The following PKD1L1 variants were observed in gnomAD, a reference collection of about 807,000 sequenced individuals.
The protein encoded by PKD1L1 is polycystin 1 like 1, transient receptor potential channel interacting.
A neutral mutation model predicts 323.4 loss-of-function variants in PKD1L1; 236 were observed. The ratio of observed to expected loss-of-function variants is 0.73; its 90% confidence interval spans 0.66 to 0.81. The LOEUF (loss-of-function observed/expected upper bound fraction) is 0.81, where lower values mean the gene tolerates loss of function less well. Among genes scored for constraint, PKD1L1 ranks in the 40% least tolerant of loss-of-function variants. The pLI is 0.00. For synonymous variants in PKD1L1, 1,344 were observed against 1,335.0 expected (o/e 1.01, Z -0.15); for missense variants, 3,320 against 3,508.0 (o/e 0.95, Z 1.35).
intron 24 of PKD1L1, among the ~76,000 whole-genome samples, chr7:47,872,318 T>C (rs538832642): frequency 2.0e-5 from 3 of 152,074 alleles, no homozygotes; most frequent in African/African-American, 2.4e-5. Flanking sequence ...TATGGAAATA[T>C]GAGAGACCTG....
intron 16 of PKD1L1, among the ~76,000 whole-genome samples, chr7:47,889,070 C>T (rs78029619): frequency 0.053 from 8,018 of 152,126 alleles, 538 homozygotes; most frequent in African/African-American, 0.16. Context: ...ACAGCGTCCT[C>T]GCCTGGCACT....
chr7:47,831,210 A>G lies in PKD1L1; in HGVS notation c.6473+7T>C. 1 of 1,610,308 alleles carries G rather than the reference A, an allele frequency of 6.2e-7. No homozygotes were observed. The highest frequency in any genetic ancestry group is 1.1e-5 in the South Asian group (1 of 90,622). ...CCTGAGGATGTTTGAAAAACTCTAC[A>G]GCTCACCTGTAGGCTAGAAATCCTG... On this transcript the variant is annotated splice_region_variant and intron_variant, in intron 42 of 56. Coordinates refer to ENST00000289672, the MANE Select transcript of PKD1L1 (RefSeq NM_138295.5).
rs1486116566 is a variant in PKD1L1 at position 47,908,192 on chromosome 7, C to A, written c.1287G>T (p.Glu429Asp). 2.5e-6 allele frequency: 4 copies of A among 1,614,206 alleles called. No homozygotes were observed. The change falls in exon 9 of 57, where the codon GAG (glutamate) becomes GAT (aspartate). Residue 429 changes from glutamate (E) to aspartate (D), a missense_variant. Physicochemically the swap from Glu to Asp is conservative, Grantham distance 45 (BLOSUM62 2). Transcript: ENST00000289672. ...IYNEFHGTEV[E>D]LGPYYVEIGH... is the part of the protein sequence containing the mutation. The stretch of plus-strand genomic sequence containing the variant: ...CAATCTCCACATAATAAGGCCCAAG[C>A]TCCACTTCGGTTCCATGAAACTCGT...
intron 30 of PKD1L1, 132 bp downstream of exon 30, chr7:47,854,750 C>A (rs1468007351): frequency 2.6e-6 from 3 of 1,170,650 alleles, no homozygotes; most frequent in African/African-American, 3.1e-5. Context: ...GAATAGATAA[C>A]AATTTCTTTA....
Position 47,877,626 on chromosome 7 carries a change from T to G in PKD1L1, c.3526A>C (p.Lys1176Gln). ...TYVLQVSVAS[K>Q]HGLLGKAQLY... ...TGAGCTTTACCCAGTAAGCCATGCTTCGAAGCTAAAGAGAAAGATGAAGCA... is the reference window on the plus strand; with the variant it reads ...TGAGCTTTACCCAGTAAGCCATGCTGCGAAGCTAAAGAGAAAGATGAAGCA... Residue 1176 changes from lysine to glutamine, a missense_variant, in exon 22 of 57, where the codon AAG (lysine) becomes CAG (glutamine). Lys to Gln is a moderately conservative substitution (Grantham distance 53). Transcript: ENST00000289672. 3 of 1,613,708 alleles carry G rather than the reference T, an allele frequency of 1.9e-6. No homozygotes were observed. The highest frequency in any genetic ancestry group is 2.5e-6 in the Non-Finnish European group (3 of 1,179,792).
At chr7:47,880,284 A>ATATATATTTT (rs1225214936) in intron 21 of PKD1L1, among the ~76,000 whole-genome samples, 1 of 56,816 alleles carries the variant, frequency 1.8e-5, no homozygotes, top group African/African-American at 1.1e-4. Context: ...ATATATATAT[A>ATATATATTTT]TTTTTTTTTT....
chr7:47,906,120 G>C lies in PKD1L1; in HGVS notation c.1403-158C>G, dbSNP rs573818511. ...ATGTGCTCTGAAATCAGACATACCT[G>C]GGAAACATAAACTTAATCACAGAAT... On this transcript the variant is annotated intron_variant, in intron 9 of 56. Transcript: ENST00000289672. 5.9e-5 allele frequency among the ~76,000 whole-genome samples: 9 copies of C among 152,176 alleles called. No homozygotes were observed. The South Asian group carries it at 1.9e-3, about 32-fold the overall frequency.
At chr7:47,876,345 G>C in intron 22 of PKD1L1, 128 bp from the exon 23 acceptor site, 2 of 1,118,422 alleles carry the variant, frequency 1.8e-6, no homozygotes, top group African/African-American at 1.6e-5. Flanking sequence ...AAGAGGGTAA[G>C]TGACAGGTAA....
intron 18 of PKD1L1, among the ~76,000 whole-genome samples, chr7:47,885,142 G>A (rs1786654462): frequency 2.0e-5 from 3 of 152,164 alleles, no homozygotes; most frequent in Non-Finnish European, 2.9e-5. Flanking sequence ...CCTCCAGCCA[G>A]CCAGCCAAGT....
intron 25 of PKD1L1, among the ~76,000 whole-genome samples, chr7:47,865,711 G>A (rs1293182908): frequency 6.6e-6 from 1 of 151,248 alleles, no homozygotes; most frequent in Admixed American, 6.6e-5. Flanking sequence ...TCAGCCTCCC[G>A]AGTAGCTGGG....
chr7:47,843,075 C>G lies in PKD1L1; in HGVS notation c.5332G>C (p.Glu1778Gln). ...AAGATGTAACCAGCTTTCTTTTTTT[C>G]ATGATGATCTACTTGTCTACTTTTA... ...VAKSRQVDHHEKKKAGYIFLQ... is the reference protein window; with the variant it reads ...VAKSRQVDHHQKKKAGYIFLQ... Residue 1778 changes from glutamate (E) to glutamine (Q), a missense_variant, in exon 34 of 57, where the codon GAA (glutamate) becomes CAA (glutamine). Physicochemically the swap from Glu to Gln is conservative, Grantham distance 29. Coordinates refer to ENST00000289672, the MANE Select transcript of PKD1L1 (RefSeq NM_138295.5). 1 of 1,613,810 alleles carries G rather than the reference C, an allele frequency of 6.2e-7. No homozygotes were observed. Among genetic ancestry groups the G allele is most frequent in the Non-Finnish European group, 8.5e-7 (1 of 1,179,812 alleles).
chr7:47,812,085 C>T (rs762891803), intron 49 of PKD1L1, 34 bp from the exon 50 acceptor site: 1 of 1,530,356 alleles, frequency 6.5e-7, no homozygotes, highest in East Asian at 2.5e-5. Context: ...TAGGGCAGGG[C>T]AGGGAGAAAG....
At chr7:47,887,522 A>C (rs80163683) in intron 17 of PKD1L1, among the ~76,000 whole-genome samples, 6,966 of 152,310 alleles carry the variant, frequency 0.046, 385 homozygotes, top group African/African-American at 0.14. Flanking sequence ...ATCTTTCACC[A>C]AAGAAAATTA....
chr7:47,901,525 T>A (rs536820008), intron 13 of PKD1L1, among the ~76,000 whole-genome samples: 90 of 152,282 alleles, frequency 5.9e-4, no homozygotes, highest in African/African-American at 2.1e-3. Flanking sequence ...TTTCCTGCTG[T>A]GCCTTTTGCT....
At chr7:47,938,942 G>A (rs1787929751) in intron 3 of PKD1L1, among the ~76,000 whole-genome samples, 1 of 152,160 alleles carries the variant, frequency 6.6e-6, no homozygotes, top group Non-Finnish European at 1.5e-5. Flanking sequence ...TAGCAGATCT[G>A]CACCAAGTGT....
chr7:47,882,389 G>A (rs1358900771), intron 19 of PKD1L1, among the ~76,000 whole-genome samples: 2 of 151,026 alleles, frequency 1.3e-5, no homozygotes, highest in Non-Finnish European at 3.0e-5. Flanking sequence ...GAGACACAGC[G>A]TGAACCAGAT....
chr7:47,855,237 T>G lies in PKD1L1; in HGVS notation c.4619A>C (p.Tyr1540Ser). Residue 1540 changes from tyrosine (Y) to serine (S), a missense_variant, in exon 29 of 57, where the codon TAT becomes TCT. Physicochemically the swap from Tyr to Ser is moderately radical, Grantham distance 144 (BLOSUM62 -2). Transcript: ENST00000289672. ...QIGGVVGLNL[Y>S]TCSSRRPINR... ...GATGGGTCTTCTGCTGGAGCAGGTA[T>G]AGAGGTTGAGGCCCACAACTCCACC... The G allele has an allele frequency of 6.2e-7, 1 of 1,613,988 alleles. No individual in the cohort carries two copies. The highest frequency in any genetic ancestry group is 8.5e-7 in the Non-Finnish European group (1 of 1,179,938).
At chr7:47,880,271 TATATATATATA>T (rs1786516685) in intron 21 of PKD1L1, among the ~76,000 whole-genome samples, 1 of 78,084 alleles carries the variant, frequency 1.3e-5, no homozygotes, top group African/African-American at 6.4e-5. Context: ...TATACATATA[TATATATATATA>T]TATTTTTTTT....
chr7:47,940,667 C>T (rs1787967322), intron 2 of PKD1L1, among the ~76,000 whole-genome samples: 1 of 152,112 alleles, frequency 6.6e-6, no homozygotes, highest in Admixed American at 6.5e-5. Context: ...GTAGAGGGGG[C>T]AACACCACAG....
Sources: gnomAD v4.1 joint callset for allele counts (sites outside exome capture counted in the v4.1 genomes callset) on GRCh38, gnomAD v4.1.1 for gene constraint, MANE v1.5 for transcripts, NCBI Gene and HGNC (gene_info 2026-07-23, HGNC 2026-07-21) for gene names.